HDAC9: variants seen among roughly 807,000 people sequenced by gnomAD.
HDAC9 encodes the protein histone deacetylase 9.
HDAC9 carries 41 observed loss-of-function variants against 139.4 expected under a neutral mutation model. That is an observed-to-expected ratio of 0.29 (90% CI 0.23 to 0.38). The LOEUF (loss-of-function observed/expected upper bound fraction) is 0.38, where lower values mean the gene tolerates loss of function less well. Ranked by LOEUF, HDAC9 falls within the 10% of genes least tolerant of loss-of-function variation. The pLI is 1.00. For synonymous variants in HDAC9, 517 were observed against 476.2 expected (o/e 1.09, Z -1.12); for missense variants, 1,147 against 1,297.0 (o/e 0.88, Z 1.78).
chr7:18,783,381 A>G (rs1585029322), intron 16 of HDAC9, among the ~76,000 whole-genome samples: 1 of 152,238 alleles, frequency 6.6e-6, no homozygotes. Flanking sequence ...TTCATTTCCT[A>G]TATCTGTTGT....
intron 22 of HDAC9, among the ~76,000 whole-genome samples, chr7:18,885,204 TGGCCTG>T (rs1800046890): frequency 1.3e-5 from 2 of 152,366 alleles, no homozygotes; most frequent in South Asian, 4.1e-4. Context: ...ATCATAATTC[TGGCCTG>T]GGCCATCAGA....
chr7:18,776,390 A>G (rs569868975), intron 16 of HDAC9, among the ~76,000 whole-genome samples: 3 of 152,180 alleles, frequency 2.0e-5, no homozygotes, highest in South Asian at 2.1e-4. Flanking sequence ...ACAATTTCCA[A>G]TTTTCACAAC....
chr7:18,461,301 G>A (rs1201708516), intron 1 of HDAC9, among the ~76,000 whole-genome samples: 1 of 152,114 alleles, frequency 6.6e-6, no homozygotes, highest in Non-Finnish European at 1.5e-5. Context: ...AATCTGTTAT[G>A]TAATGCTTAA....
At chr7:18,701,047 A>T (rs1783431996) in intron 12 of HDAC9, among the ~76,000 whole-genome samples, 1 of 152,166 alleles carries the variant, frequency 6.6e-6, no homozygotes, top group Non-Finnish European at 1.5e-5. Flanking sequence ...AGTTGGACAG[A>T]TACAGGACCA....
At chr7:18,354,147 A>T (rs532918343) in intron 1 of HDAC9, among the ~76,000 whole-genome samples, 1 of 152,294 alleles carries the variant, frequency 6.6e-6, no homozygotes, top group South Asian at 2.1e-4. Context: ...TCAAATAGAA[A>T]ACCTATTTTA....
At chr7:18,868,986 T>G (rs1009751275) in intron 21 of HDAC9, among the ~76,000 whole-genome samples, 2 of 152,132 alleles carry the variant, frequency 1.3e-5, no homozygotes, top group African/African-American at 2.4e-5. Context: ...CCTTGTCTTA[T>G]GCATCTCTTC....
chr7:18,681,853 T>A (rs1330875222), intron 12 of HDAC9, among the ~76,000 whole-genome samples: 2 of 152,030 alleles, frequency 1.3e-5, no homozygotes, highest in Admixed American at 1.3e-4. Context: ...GAGTAACCCA[T>A]AGGACCTATA....
chr7:18,778,931 G>C (rs1213832324), intron 16 of HDAC9, among the ~76,000 whole-genome samples: 3 of 152,056 alleles, frequency 2.0e-5, no homozygotes, highest in African/African-American at 7.2e-5. Flanking sequence ...GTTTGTGGTA[G>C]AGCATTAATG....
chr7:18,491,769 GA>G (rs1035315821), upstream of HDAC9, among the ~76,000 whole-genome samples: 2 of 151,990 alleles, frequency 1.3e-5, no homozygotes, highest in African/African-American at 4.8e-5. Context: ...TTCTCAGACA[GA>G]AACCAGTTCA....
Position 18,627,670 on chromosome 7 carries a change from T to C in HDAC9, c.665-1680T>C, listed in dbSNP as rs117726081. On this transcript the variant is annotated intron_variant, in intron 6 of 25. Transcript: ENST00000686413. ...GCAAGAATCCTAATCCTTTCCCAAA[T>C]TGGTTGGTTTGTTTGCCTTCATGTG... 5.9e-4 allele frequency among the ~76,000 whole-genome samples: 90 copies of C among 152,210 alleles called. No individual in the cohort carries two copies. In the East Asian group the frequency reaches 0.017, roughly 28 times the overall value.
chr7:18,285,764 A>T (rs907754152), upstream of HDAC9, among the ~76,000 whole-genome samples: 22 of 152,210 alleles, frequency 1.4e-4, no homozygotes, highest in African/African-American at 5.3e-4. Flanking sequence ...GCAAGTACAT[A>T]TTTAGACACT....
intron 22 of HDAC9, among the ~76,000 whole-genome samples, chr7:18,884,115 A>G (rs989063368): frequency 3.9e-5 from 6 of 152,188 alleles, no homozygotes; most frequent in Non-Finnish European, 7.4e-5. Context: ...TAAAGTTTAC[A>G]TAGTGCCCAA....
intron 19 of HDAC9, among the ~76,000 whole-genome samples, chr7:18,830,640 G>A (rs1795794572): frequency 6.6e-6 from 1 of 152,156 alleles, no homozygotes; most frequent in Admixed American, 6.5e-5. Context: ...GAAGATAAAA[G>A]AAATGGAAGA....
intron 1 of HDAC9, among the ~76,000 whole-genome samples, chr7:18,122,101 T>C (rs936826391): frequency 5.3e-5 from 8 of 152,336 alleles, no homozygotes; most frequent in Admixed American, 5.2e-4. Context: ...AATTATAGTA[T>C]TGAAAAGCCC....
At chr7:18,867,589 G>C (rs1449183309) in intron 21 of HDAC9, among the ~76,000 whole-genome samples, 1 of 152,100 alleles carries the variant, frequency 6.6e-6, no homozygotes, top group Non-Finnish European at 1.5e-5. Flanking sequence ...ATCATTTTCT[G>C]ATTCTTTGAG....
intron 1 of HDAC9, among the ~76,000 whole-genome samples, chr7:18,427,882 G>A (rs928510358): frequency 2.6e-5 from 4 of 151,782 alleles, no homozygotes; most frequent in African/African-American, 9.7e-5. Flanking sequence ...CCATTGATTA[G>A]CAACTCCCCA....
rs1402982172 is a variant in HDAC9 at position 18,103,064 on chromosome 7, C to T, written c.-97+15851C>T. On this transcript the variant is annotated intron_variant, in intron 1 of 12. Transcript: ENST00000417496. The stretch of plus-strand genomic sequence containing the variant: ...GTTCCACATTGCGGGGGAGGCCTCA[C>T]AATCATGGTGGAAGGCAAAGGAGCA... 2.6e-5 allele frequency among the ~76,000 whole-genome samples: 4 copies of T among 152,130 alleles called. No individual in the cohort carries two copies. In the East Asian group the frequency reaches 7.7e-4, roughly 29 times the overall value.
chr7:18,235,258 G>A (rs142218647), intron 2 of HDAC9, among the ~76,000 whole-genome samples: 2 of 152,052 alleles, frequency 1.3e-5, no homozygotes, highest in Non-Finnish European at 2.9e-5. Context: ...ATCAAAATCT[G>A]ACTATCACTA....
At chr7:18,356,245 C>T (rs1429473228) in intron 1 of HDAC9, among the ~76,000 whole-genome samples, 4 of 151,320 alleles carry the variant, frequency 2.6e-5, no homozygotes, top group African/African-American at 4.9e-5. Flanking sequence ...CTAAATGTAA[C>T]ACGTTAGGTC....
Sources: gnomAD v4.1 joint callset for allele counts (sites outside exome capture counted in the v4.1 genomes callset) on GRCh38, gnomAD v4.1.1 for gene constraint, MANE v1.5 for transcripts, NCBI Gene and HGNC (gene_info 2026-07-23, HGNC 2026-07-21) for gene names.